FMN2: variants seen among roughly 807,000 people sequenced by gnomAD.
FMN2 encodes the protein formin 2.
Under a neutral mutation model 142.3 loss-of-function variants are expected in FMN2, and 51 were observed. That is an observed-to-expected ratio of 0.36 (90% CI 0.29 to 0.45). The LOEUF (loss-of-function observed/expected upper bound fraction) is 0.45. FMN2 is among the 20% of genes least tolerant of loss of function. FMN2 has a pLI of 1.00. For synonymous variants in FMN2, 882 were observed against 869.8 expected (o/e 1.01, Z -0.25); for missense variants, 1,936 against 2,122.8 (o/e 0.91, Z 1.73).
chr1:240,315,883 A>G (rs1670765031), intron 8 of FMN2, among the ~76,000 whole-genome samples: 1 of 152,220 alleles, frequency 6.6e-6, no homozygotes, highest in Non-Finnish European at 1.5e-5. Context: ...AATGTATTTA[A>G]GTGGCCCTTT....
At chr1:240,437,511 C>T (rs905081025) in intron 15 of FMN2, among the ~76,000 whole-genome samples, 5 of 151,922 alleles carry the variant, frequency 3.3e-5, no homozygotes, top group Admixed American at 2.6e-4. Context: ...ACCGTGTTAG[C>T]CAGGATGGTC....
intron 6 of FMN2, among the ~76,000 whole-genome samples, chr1:240,243,119 G>A (rs190688934): frequency 2.6e-5 from 4 of 151,856 alleles, no homozygotes; most frequent in African/African-American, 7.3e-5. Context: ...CCTTGGTTGC[G>A]GGAGTAGACC....
chr1:240,351,585 C>A (rs1358145576), intron 13 of FMN2, among the ~76,000 whole-genome samples: 2 of 152,058 alleles, frequency 1.3e-5, no homozygotes, highest in Non-Finnish European at 2.9e-5. Context: ...CCAAGGACAT[C>A]GATAAAATTA....
intron 16 of FMN2, among the ~76,000 whole-genome samples, chr1:240,439,206 GA>G (rs1398933870): frequency 6.7e-6 from 1 of 148,916 alleles, no homozygotes; most frequent in Non-Finnish European, 1.5e-5. Flanking sequence ...CTGGGAGGCG[GA>G]GGTTGCAGTG....
intron 14 of FMN2, among the ~76,000 whole-genome samples, chr1:240,380,914 T>G (rs1012442886): frequency 6.6e-6 from 1 of 151,980 alleles, no homozygotes; most frequent in Non-Finnish European, 1.5e-5. Flanking sequence ...TACAAACTGA[T>G]ACCAAAGAAA....
In FMN2 at chr1:240,207,079, C is replaced by T. The variant is rs1374063070; in HGVS notation, c.2267C>T (p.Thr756Ile). Residue 756 changes from threonine to isoleucine, a missense_variant, in exon 5 of 18, where the codon ACA becomes ATA. By Grantham distance (89) the Thr-to-Ile change is moderately conservative. This residue lies in a region of FMN2 where 478 missense variants were observed against 462.8 expected (regional missense o/e 1.03). Transcript: ENST00000319653. The stretch of plus-strand genomic sequence containing the variant: ...CCCACGGAAGAGGGCGGGGTGCTGA[C>T]ACTGCCTCCTGTGGATGGGCTGCCA... ...TSPTEEGGVL[T>I]LPPVDGLPGR... 1.9e-6 allele frequency: 3 copies of T among 1,614,120 alleles called. No homozygotes were observed.
At chr1:240,166,266 G>T (rs1053751886) in intron 2 of FMN2, among the ~76,000 whole-genome samples, 5 of 151,608 alleles carry the variant, frequency 3.3e-5, no homozygotes, top group African/African-American at 1.2e-4. Flanking sequence ...TTTCGCTCTT[G>T]TTGCCCAGGC....
At chr1:240,449,903 G>A (rs10754704) in intron 16 of FMN2, among the ~76,000 whole-genome samples, 106,476 of 151,980 alleles carry the variant, frequency 0.7, 37,603 homozygotes, top group East Asian at 0.88. Flanking sequence ...AACTTTTTGC[G>A]GTAAGAATAC....
At chr1:240,310,687 A>T (rs771187573) in intron 8 of FMN2, among the ~76,000 whole-genome samples, 6 of 152,190 alleles carry the variant, frequency 3.9e-5, no homozygotes, top group Non-Finnish European at 7.3e-5. Context: ...AACTATATCT[A>T]TTGCTTCTGA....
chr1:240,393,564 C>T (rs919792907), intron 15 of FMN2, among the ~76,000 whole-genome samples: 3 of 152,098 alleles, frequency 2.0e-5, no homozygotes, highest in Non-Finnish European at 4.4e-5. Flanking sequence ...TCTAAGTATT[C>T]AAGTGAAAGA....
chr1:240,336,784 A>G (rs892939613), intron 13 of FMN2, among the ~76,000 whole-genome samples: 8 of 152,146 alleles, frequency 5.3e-5, no homozygotes, highest in African/African-American at 1.7e-4. Context: ...ATGTAATTAT[A>G]TATTACTCTT....
At chr1:240,131,129 AT>A (rs1662718501) in intron 2 of FMN2, among the ~76,000 whole-genome samples, 1 of 152,176 alleles carries the variant, frequency 6.6e-6, no homozygotes, top group Non-Finnish European at 1.5e-5. Flanking sequence ...CTGAAAGTTT[AT>A]TTCTTCTTGG....
chr1:240,257,138 A>G (rs1668474653), intron 6 of FMN2, among the ~76,000 whole-genome samples: 1 of 152,184 alleles, frequency 6.6e-6, no homozygotes, highest in Non-Finnish European at 1.5e-5. Context: ...GCCTGGGATA[A>G]GTTTCATAAG....
intron 6 of FMN2, among the ~76,000 whole-genome samples, chr1:240,255,312 G>A (rs373610780): frequency 9.2e-5 from 14 of 152,212 alleles, no homozygotes; most frequent in African/African-American, 3.4e-4. Context: ...TGTTTGTGGA[G>A]GAGGCGAGTA....
At chr1:240,273,038 G>T (rs1480665134) in intron 7 of FMN2, among the ~76,000 whole-genome samples, 1 of 80,846 alleles carries the variant, frequency 1.2e-5, no homozygotes, top group East Asian at 3.9e-4. Flanking sequence ...TTGTTCCCTT[G>T]CTTTAGCCAC....
At chr1:240,331,464 T>TA (rs201297876) in intron 11 of FMN2, among the ~76,000 whole-genome samples, 2,006 of 152,218 alleles carry the variant, frequency 0.013, 42 homozygotes, top group African/African-American at 0.044. Context: ...ATTTCTCTGA[T>TA]AAAAAAATCA....
At chr1:240,334,033 T>G in intron 12 of FMN2, 76 bp from the exon 13 acceptor site, 2 of 1,573,056 alleles carry the variant, frequency 1.3e-6, no homozygotes, top group Admixed American at 3.8e-5. Context: ...GTTTTTGTTT[T>G]GGACATACCT....
chr1:240,252,637 G>C (rs961670689), intron 6 of FMN2, among the ~76,000 whole-genome samples: 2 of 151,202 alleles, frequency 1.3e-5, no homozygotes, highest in Admixed American at 6.6e-5. Context: ...TATTCTGACG[G>C]GGGGGGTGGT....
intron 14 of FMN2, among the ~76,000 whole-genome samples, chr1:240,381,343 C>T (rs1438396927): frequency 2.6e-5 from 4 of 152,158 alleles, no homozygotes; most frequent in Non-Finnish European, 5.9e-5. Context: ...CAAGTGGGTT[C>T]TATTTTAGGA....
Sources: gnomAD v4.1 joint callset for allele counts (sites outside exome capture counted in the v4.1 genomes callset) on GRCh38, gnomAD v4.1.1 for gene constraint, gnomAD v4.1.1 regional missense constraint, MANE v1.5 for transcripts, NCBI Gene and HGNC (gene_info 2026-07-23, HGNC 2026-07-21) for gene names.